CLASRP: variants seen among roughly 807,000 people sequenced by gnomAD.
The protein encoded by CLASRP is CLK4-associating serine/arginine rich protein.
A neutral mutation model predicts 99.9 loss-of-function variants in CLASRP; 52 were observed. The ratio of observed to expected loss-of-function variants is 0.52; its 90% CI spans 0.42 to 0.66. The LOEUF is 0.66. CLASRP is among the 30% of genes least tolerant of loss of function. The pLI is 0.00. For synonymous variants in CLASRP, 379 were observed against 373.0 expected, an observed-to-expected ratio of 1.02 and a Z score of -0.18; for missense variants, 848 against 999.2, an observed-to-expected ratio of 0.85 and a Z score of 2.04.
intron 5 of CLASRP, among the ~76,000 whole-genome samples, 198 bp from the exon 6 acceptor site, chr19:45,056,252 C>T (rs1972116835): frequency 6.6e-6 from 1 of 152,222 alleles, no homozygotes; most frequent in Admixed American, 6.5e-5. Flanking sequence ...AGTCCCTTGA[C>T]CAAGGTCGTG....
rs1458817793 is a variant in CLASRP at position 45,040,291 on chromosome 19, C to T, written c.79C>T (p.Arg27Trp). Residue 27 changes from arginine to tryptophan, a missense_variant, in exon 2 of 21, where the codon CGG (arginine) becomes TGG (tryptophan). Transcript: ENST00000221455. Reference protein sequence around the residue: ...VDYKKRAERRREYYEKIKKDP... With the variant: ...VDYKKRAERRWEYYEKIKKDP... ...CTACAAGAAGAGGGCGGAGCGGAGA[C>T]GGGAGTATTATGAAAAGATCGTGAG... 6.2e-7 allele frequency: 1 copy of T among 1,610,902 alleles called. No individual in the cohort carries two copies. The highest frequency in any genetic ancestry group is 8.5e-7 in the Non-Finnish European group (1 of 1,179,026).
In CLASRP at chr19:45,069,914, C is replaced by T. The variant is rs760984696; in HGVS notation, c.1875-108C>T. 47 of 674,948 alleles carry T rather than the reference C, an allele frequency of 7.0e-5. 1 individual carries two copies. Among genetic ancestry groups the T allele is most frequent in the Admixed American group, 3.6e-4 (16 of 44,492 alleles). The allele number at this position is 674,948 out of a possible 1,614,324, so 41.8% of individuals were successfully genotyped here. On this transcript the variant is annotated intron_variant, in intron 18 of 20. Transcript: ENST00000221455. Reference sequence around the variant, plus strand: ...AGCGGGGATTGGTGGCAGTACCGGCCCCCTTGGTTTACTGTCTTCCTCGGA... The same window carrying T: ...AGCGGGGATTGGTGGCAGTACCGGCTCCCTTGGTTTACTGTCTTCCTCGGA...
intron 13 of CLASRP, among the ~76,000 whole-genome samples, chr19:45,064,837 A>G (rs989412973): frequency 4.6e-5 from 7 of 152,174 alleles, no homozygotes; most frequent in African/African-American, 1.7e-4. Context: ...TTCTGGTGGC[A>G]GTGGAGGTGG....
chr19:45,046,416 A>G (rs573552466), intron 2 of CLASRP, among the ~76,000 whole-genome samples: 4 of 152,320 alleles, frequency 2.6e-5, no homozygotes, highest in African/African-American at 9.6e-5. Context: ...TTGATACGGA[A>G]ATAAGAAGTA....
At chr19:45,058,503 A>G (rs1436412202) in intron 7 of CLASRP, among the ~76,000 whole-genome samples, 6 of 152,032 alleles carry the variant, frequency 3.9e-5, no homozygotes, top group Admixed American at 3.9e-4. Context: ...CTCCTGCCTC[A>G]GCTTCCCAAG....
intron 2 of CLASRP, among the ~76,000 whole-genome samples, chr19:45,041,899 G>A (rs755859315): frequency 1.4e-4 from 22 of 152,296 alleles, no homozygotes; most frequent in Non-Finnish European, 2.5e-4. Context: ...CTTTGTATGA[G>A]CTCTTCCCAT....
intron 18 of CLASRP, 65 bp from the exon 19 acceptor site, chr19:45,069,957 C>A (rs549358319): frequency 1.1e-6 from 1 of 900,240 alleles, no homozygotes; most frequent in East Asian, 2.4e-5. Context: ...GTTGGAAGCA[C>A]CTGCCCTCCC....
At chr19:45,066,793 G>T (rs3786509) in intron 13 of CLASRP, among the ~76,000 whole-genome samples, 6 of 151,668 alleles carry the variant, frequency 4.0e-5, no homozygotes, top group Admixed American at 3.3e-4. Context: ...AGAGTGGGCA[G>T]TGGGTGGAGA....
chr19:45,057,321 T>G (rs553572950), intron 6 of CLASRP, among the ~76,000 whole-genome samples: 3 of 152,120 alleles, frequency 2.0e-5, no homozygotes, highest in Non-Finnish European at 4.4e-5. Flanking sequence ...ACTGGGAGCT[T>G]CTTGGAGACT....
intron 2 of CLASRP, chr19:45,047,508 G>A (rs1467040137): frequency 6.6e-6 from 1 of 151,378 alleles, no homozygotes; most frequent in East Asian, 1.9e-4. Flanking sequence ...ACGGGGATTA[G>A]CATGGCCACT....
chr19:45,054,191 C>T (rs1000500177), intron 5 of CLASRP, among the ~76,000 whole-genome samples: 9 of 152,302 alleles, frequency 5.9e-5, no homozygotes, highest in African/African-American at 2.2e-4. Context: ...GCTTTTTTGT[C>T]TGTATTATCA....
intron 2 of CLASRP, among the ~76,000 whole-genome samples, chr19:45,041,265 A>G (rs1428986934): frequency 6.7e-6 from 1 of 149,830 alleles, no homozygotes; most frequent in Non-Finnish European, 1.5e-5. Context: ...AAAAAAAAGG[A>G]GTGAATATTA....
At chr19:45,068,321 A>AT (rs1967143236) in intron 15 of CLASRP, 99 bp from the exon 16 acceptor site, 1 of 346,552 alleles carries the variant, frequency 2.9e-6, no homozygotes, top group Non-Finnish European at 5.5e-6. Flanking sequence ...TCCCCCCCCC[A>AT]CCCCCCCCCC....
At position 45,069,034 on chromosome 19, in the gene CLASRP, C is replaced by T. The variant is rs772012026; in HGVS notation, c.1769-32C>T. 3.5e-5 allele frequency: 56 copies of T among 1,598,538 alleles called. No homozygotes were observed. In the Admixed American group the frequency reaches 3.5e-4, roughly 10 times the overall value. Reference sequence around the variant, plus strand: ...AAAGAGAGTGGGGCTCTTAAGGGAACCCCTCAGCCACCCTGTTCTTTCTCT... The same window carrying T: ...AAAGAGAGTGGGGCTCTTAAGGGAATCCCTCAGCCACCCTGTTCTTTCTCT... On this transcript the variant is annotated intron_variant, in intron 16 of 20. Transcript: ENST00000221455.
rs1031459341 is a variant in CLASRP, at chr19:45,061,308, G to A, written c.863+681G>A. On this transcript the variant is annotated intron_variant, in intron 10 of 20. Transcript: ENST00000221455. ...AGCACCAATCGTCATTGCTGTCAGCGGTGGCACAGAGGCACACAGAGGGTA... is the reference window on the plus strand; with the variant it reads ...AGCACCAATCGTCATTGCTGTCAGCAGTGGCACAGAGGCACACAGAGGGTA... 2.6e-5 allele frequency among the ~76,000 whole-genome samples: 4 copies of A among 152,158 alleles called. No homozygotes were observed. The South Asian group carries it at 6.2e-4, about 24-fold the overall frequency.
At chr19:45,069,034 C>A in intron 16 of CLASRP, 32 bp from the exon 17 acceptor site, 2 of 1,598,644 alleles carry the variant, frequency 1.3e-6, no homozygotes, top group Non-Finnish European at 1.7e-6. Context: ...CTTAAGGGAA[C>A]CCCTCAGCCA....
rs150594731 is a variant in CLASRP at position 45,052,876 on chromosome 19, C to G, written c.283C>G (p.Pro95Ala). Residue 95 changes from proline (P) to alanine (A), a missense_variant, in exon 4 of 21, where the codon CCT becomes GCT. Around this residue, in one of 8 missense-constraint regions of CLASRP, gnomAD observed 54 missense variants for 38.7 expected, o/e 1.39. Transcript: ENST00000221455. Reference sequence around the variant, plus strand: ...GGACCACATCCCCGACTACACCCCCCCTCTGCTCACCACCATGTAAGCCAC... The same window carrying G: ...GGACCACATCCCCGACTACACCCCCGCTCTGCTCACCACCATGTAAGCCAC... Reference protein sequence around the residue: ...HLDHIPDYTPPLLTTISPEQE... With the variant: ...HLDHIPDYTPALLTTISPEQE... 70 of 1,609,890 alleles carry G rather than the reference C, an allele frequency of 4.3e-5. No individual in the cohort carries two copies. The highest frequency in any genetic ancestry group is 2.5e-4 in the South Asian group (23 of 90,668).
rs896274512 is a variant in CLASRP, at chr19:45,053,121, A to T, written c.323A>T (p.Glu108Val). The T allele has an allele frequency of 6.2e-7, 1 of 1,614,036 alleles. No homozygotes were observed. The highest frequency in any genetic ancestry group is 1.3e-5 in the African/African-American group (1 of 75,006). ...TTISPEQESD[E>V]RKCNYERYRG... The stretch of plus-strand genomic sequence containing the variant: ...AGCTCCCCAGAACAGGAGTCGGACG[A>T]ACGGAAGTGTAACTACGAGCGCTAC... The change falls in exon 5 of 21, where the codon GAA becomes GTA. Residue 108 changes from glutamate to valine, a missense_variant. Coordinates refer to ENST00000221455, the MANE Select transcript of CLASRP (RefSeq NM_007056.3).
chr19:45,064,094 A>G lies in CLASRP; in HGVS notation c.988A>G (p.Thr330Ala). 6.2e-7 allele frequency: 1 copy of G among 1,608,878 alleles called. No individual in the cohort carries two copies. The highest frequency in any genetic ancestry group is 8.5e-7 in the Non-Finnish European group (1 of 1,178,440). Residue 330 changes from threonine (T) to alanine (A), a missense_variant, in exon 12 of 21, where the codon ACC becomes GCC. Thr to Ala is a moderately conservative substitution (Grantham distance 58). Coordinates refer to ENST00000221455, the MANE Select transcript of CLASRP (RefSeq NM_007056.3). ...CCGCGAGGAGAAGATCACGTTCATCACCAGTTTTGGGGGCAGCGATGAGGA... is the reference window on the plus strand; with the variant it reads ...CCGCGAGGAGAAGATCACGTTCATCGCCAGTTTTGGGGGCAGCGATGAGGA... ...PGREEKITFI[T>A]SFGGSDEEAA...
Sources: allele counts gnomAD v4.1 joint callset (sites outside exome capture counted in the v4.1 genomes callset), GRCh38; gene constraint gnomAD v4.1.1; regional missense constraint gnomAD v4.1.1; transcripts MANE v1.5; gene names NCBI Gene and HGNC (gene_info 2026-07-23, HGNC 2026-07-21).